ZNF234: variants seen among roughly 807,000 people sequenced by gnomAD.
The protein encoded by ZNF234 is C2-H2 type zinc finger protein.
ZNF234 carries 4 observed loss-of-function variants against 10.3 expected under a neutral mutation model. That is an observed-to-expected ratio of 0.39 (90% CI 0.19 to 0.89). ZNF234 has a LOEUF of 0.89. ZNF234 is among the 40% of genes least tolerant of loss of function. The pLI is 0.38. For missense variants in ZNF234, 711 were observed against 836.1 expected (o/e 0.85, Z 1.85); for synonymous variants, 258 against 280.1 (o/e 0.92, Z 0.79).
intron 3 of ZNF234, among the ~76,000 whole-genome samples, chr19:44,148,146 A>G (rs1389445456): frequency 6.6e-6 from 1 of 152,202 alleles, no homozygotes; most frequent in Non-Finnish European, 1.5e-5. Flanking sequence ...TCTGTCATGT[A>G]AGAACTATCA....
In ZNF234 at chr19:44,159,750, C is replaced by T; in HGVS notation, c.*1631C>T. 1 of 369,010 alleles carries T rather than the reference C, an allele frequency of 2.7e-6. No individual in the cohort carries two copies. The highest frequency in any genetic ancestry group is 7.7e-5 in the East Asian group (1 of 13,030). The allele number at this position is 369,010 out of a possible 1,614,324, so 22.9% of individuals were successfully genotyped here. A position where few individuals can be genotyped will look rare whatever the true frequency, so the allele number is the denominator to read the frequency against. On this transcript the variant is annotated 3_prime_UTR_variant, in exon 6 of 6. Coordinates refer to ENST00000426739, the MANE Select transcript of ZNF234 (RefSeq NM_006630.3). The stretch of plus-strand genomic sequence containing the variant: ...CTGTAGCATTCTCTTATTAAAACTT[C>T]TGGCTGGGTGTGGTGGCTCATGCCT...
rs766612161 is a variant in ZNF234 at position 44,158,143 on chromosome 19, A to T, written c.*24A>T. 21 of 1,580,828 alleles carry T rather than the reference A, an allele frequency of 1.3e-5. No individual in the cohort carries two copies. The highest frequency in any genetic ancestry group is 1.6e-5 in the Non-Finnish European group (19 of 1,169,110). ...GATTAAAAAAAAAAAAACAGAACTC[A>T]TGTACAACCTGAATGCTTGTAATTA... On this transcript the variant is annotated 3_prime_UTR_variant, in exon 6 of 6. Coordinates refer to ENST00000426739, the MANE Select transcript of ZNF234 (RefSeq NM_006630.3).
At chr19:44,142,007 T>A (rs1053931641) in intron 1 of ZNF234, 1 of 152,290 alleles carries the variant, frequency 6.6e-6, no homozygotes, top group Admixed American at 6.5e-5. Context: ...GGACCATCTT[T>A]GTAGAATCGT....
Position 44,144,560 on chromosome 19 carries a change from T to A in ZNF234, c.-73T>A. ...TCTCTTTTTGTGTCTTCCATAGTGT[T>A]CCAGGCACGATTCTGCCTTCTCTCA... On this transcript the variant is annotated 5_prime_UTR_variant, in exon 3 of 6. Coordinates refer to ENST00000426739, the MANE Select transcript of ZNF234 (RefSeq NM_006630.3). 7.2e-7 allele frequency: 1 copy of A among 1,394,792 alleles called. No homozygotes were observed. Among genetic ancestry groups the A allele is most frequent in the Non-Finnish European group, 9.6e-7 (1 of 1,044,172 alleles). 86.4% of individuals were successfully genotyped at this position (1,394,792 alleles called of 1,614,324 possible). A position where few individuals can be genotyped will look rare whatever the true frequency, so the allele number is the denominator to read the frequency against.
chr19:44,148,976 G>T, intron 4 of ZNF234, 79 bp downstream of exon 4: 1 of 1,498,564 alleles, frequency 6.7e-7, no homozygotes, highest in Non-Finnish European at 8.9e-7. Flanking sequence ...ACACTTTGGA[G>T]GTCTTGAATT....
rs186620429 is a variant in ZNF234 at position 44,157,591 on chromosome 19, G to A, written c.1575G>A (p.Ser525=). 1.2e-3 allele frequency: 1,903 copies of A among 1,609,258 alleles called. 4 individuals are homozygous for A. Among genetic ancestry groups the A allele is most frequent in the African/African-American group, 2.7e-3 (200 of 73,274 alleles). Residue 525 remains serine (S), a synonymous_variant, in exon 6 of 6, where the codon TCG becomes TCA. Coordinates refer to ENST00000426739, the MANE Select transcript of ZNF234 (RefSeq NM_006630.3). ...EECGKVFSQA[S]HLLTHQRVHS... is the part of the protein sequence containing the mutation. ...GTGGGAAGGTCTTCAGTCAGGCCTC[G>A]CATCTTCTAACCCATCAGAGAGTTC...
rs760074195 is a variant in ZNF234 at position 44,156,578 on chromosome 19, A to T, written c.562A>T (p.Ile188Phe). ...CDECGKSFCY[I>F]SALHIHQRVH... ...TGAGTGTGGAAAAAGCTTCTGTTAC[A>T]TCTCAGCCCTTCATATTCATCAAAG... Residue 188 changes from isoleucine (I) to phenylalanine (F), a missense_variant, in exon 6 of 6, where the codon ATC (isoleucine) becomes TTC (phenylalanine). Ile to Phe is a conservative substitution (Grantham distance 21). Transcript: ENST00000426739. 12 of 1,614,054 alleles carry T rather than the reference A, an allele frequency of 7.4e-6. No individual in the cohort carries two copies. The highest frequency in any genetic ancestry group is 8.5e-6 in the Non-Finnish European group (10 of 1,180,032).
Position 44,156,300 on chromosome 19 carries a change from A to G in ZNF234, c.284A>G (p.His95Arg). 2 of 1,592,250 alleles carry G rather than the reference A, an allele frequency of 1.3e-6. No individual in the cohort carries two copies. The highest frequency in any genetic ancestry group is 2.2e-5 in the East Asian group (1 of 44,826). ...GAGACTGTTCCAGAAGCAGGACGACATGAAGAGCTTTACTGGGGGCAAATC... is the reference window on the plus strand; with the variant it reads ...GAGACTGTTCCAGAAGCAGGACGACGTGAAGAGCTTTACTGGGGGCAAATC... ...EVETVPEAGR[H>R]EELYWGQIWK... The change falls in exon 6 of 6, where the codon CAT becomes CGT. Residue 95 changes from histidine to arginine, a missense_variant. By Grantham distance (29) the His-to-Arg change is conservative (BLOSUM62 0). Transcript: ENST00000426739.
At chr19:44,146,343 G>T (rs1021222680) in intron 3 of ZNF234, among the ~76,000 whole-genome samples, 2 of 152,148 alleles carry the variant, frequency 1.3e-5, no homozygotes, top group Non-Finnish European at 2.9e-5. Flanking sequence ...ACCCAGTAAT[G>T]AGATGGCTGG....
Position 44,150,402 on chromosome 19 carries a change from G to A in ZNF234, c.143-11G>A, listed in dbSNP as rs1289757351. ...GTGTTTGTTTTAAATATGTGACTTT[G>A]CGTGTTCTAGGGCATCACCCCTTCA... On this transcript the variant is annotated splice_polypyrimidine_tract_variant and intron_variant, in intron 4 of 5. Coordinates refer to ENST00000426739, the MANE Select transcript of ZNF234 (RefSeq NM_006630.3). The A allele has an allele frequency of 6.4e-7, 1 of 1,564,600 alleles. No individual in the cohort carries two copies. The highest frequency in any genetic ancestry group is 1.2e-5 in the South Asian group (1 of 83,824).
chr19:44,158,131 A>T lies in ZNF234; in HGVS notation c.*12A>T. On this transcript the variant is annotated 3_prime_UTR_variant, in exon 6 of 6. Coordinates refer to ENST00000426739, the MANE Select transcript of ZNF234 (RefSeq NM_006630.3). ...GTTCTACAAGGTGATTAAAAAAAAA[A>T]AAACAGAACTCATGTACAACCTGAA... 1 of 1,584,536 alleles carries T rather than the reference A, an allele frequency of 6.3e-7. No individual in the cohort carries two copies. The highest frequency in any genetic ancestry group is 8.5e-7 in the Non-Finnish European group (1 of 1,172,926).
chr19:44,150,991 C>A (rs186725300), intron 5 of ZNF234, among the ~76,000 whole-genome samples: 1 of 151,474 alleles, frequency 6.6e-6, no homozygotes, highest in African/African-American at 2.4e-5. Context: ...AAGATCGCAC[C>A]GCTACACTCC....
At chr19:44,147,243 A>G (rs1355672682) in intron 3 of ZNF234, among the ~76,000 whole-genome samples, 1 of 151,826 alleles carries the variant, frequency 6.6e-6, no homozygotes, top group Non-Finnish European at 1.5e-5. Context: ...ATTTAGTTTA[A>G]TTTATTTTTT....
At chr19:44,151,184 A>G (rs965510229) in intron 5 of ZNF234, among the ~76,000 whole-genome samples, 1 of 151,882 alleles carries the variant, frequency 6.6e-6, no homozygotes. Flanking sequence ...CATCTTTTCC[A>G]GCCACATCAT....
At chr19:44,147,945 A>C (rs943071757) in intron 3 of ZNF234, among the ~76,000 whole-genome samples, 1 of 152,246 alleles carries the variant, frequency 6.6e-6, no homozygotes, top group Non-Finnish European at 1.5e-5. Flanking sequence ...ATTGAAAATT[A>C]AATATTCATT....
intron 3 of ZNF234, among the ~76,000 whole-genome samples, chr19:44,148,409 G>T (rs1968654824): frequency 6.6e-6 from 1 of 152,194 alleles, no homozygotes; most frequent in African/African-American, 2.4e-5. Context: ...AGGAAGGTGG[G>T]TGTTATCATG....
rs1335773489 is a variant in ZNF234 at position 44,141,695 on chromosome 19, G to A, written c.-169G>A. On this transcript the variant is annotated 5_prime_UTR_variant, in exon 1 of 6. Coordinates refer to ENST00000426739, the MANE Select transcript of ZNF234 (RefSeq NM_006630.3). The surrounding 1 kb of genome is among the most constrained non-coding windows in gnomAD (Gnocchi z 4.6). ...GATTGGGGCTCGCTGGGACCTGGTG[G>A]TCCGGTTATGGGAAAAGAAGCCTCG... The A allele has an allele frequency of 1.3e-5, 2 of 152,404 alleles. No individual in the cohort carries two copies. Among genetic ancestry groups the A allele is most frequent in the Non-Finnish European group, 2.9e-5 (2 of 68,098 alleles). 9.4% of individuals were successfully genotyped at this position (152,404 alleles called of 1,614,324 possible). A position where few individuals can be genotyped will look rare whatever the true frequency, so the allele number is the denominator to read the frequency against.
rs188792826 is a variant in ZNF234, at chr19:44,155,615, G to T, written c.236-637G>T. Among the ~76,000 whole-genome samples, 930 of 152,042 alleles carry T rather than the reference G, an allele frequency of 6.1e-3. 7 individuals are homozygous for T. The highest frequency in any genetic ancestry group is 0.032 in the South Asian group (152 of 4,808). On this transcript the variant is annotated intron_variant, in intron 5 of 5. Coordinates refer to ENST00000426739, the MANE Select transcript of ZNF234 (RefSeq NM_006630.3). ...GCAGGTCAAACCTGTGTTGTTCAAC[G>T]GTCAACTGTATTTTGAACATGTAAA...
At chr19:44,144,266 G>T (rs1968537877) in intron 2 of ZNF234, among the ~76,000 whole-genome samples, 1 of 152,136 alleles carries the variant, frequency 6.6e-6, no homozygotes, top group Admixed American at 6.5e-5. Context: ...TACAATCTGT[G>T]GTTTGGTGTG....
Sources: gnomAD v4.1 joint callset for allele counts (sites outside exome capture counted in the v4.1 genomes callset) on GRCh38, gnomAD v4.1.1 for gene constraint, Gnocchi (gnomAD v3.1) non-coding constraint, MANE v1.5 for transcripts, NCBI Gene and HGNC (gene_info 2026-07-23, HGNC 2026-07-21) for gene names.